Variants in DNAH7 observed in about 807,000 individuals in gnomAD.
The protein encoded by DNAH7 is axonemal beta dynein heavy chain 7.
Under a neutral mutation model 444.6 loss-of-function variants are expected in DNAH7, and 397 were observed. The observed-to-expected ratio is 0.89, with a 90% CI of 0.82 to 0.97. The LOEUF (loss-of-function observed/expected upper bound fraction) is 0.97. DNAH7 is among the 50% of genes least tolerant of loss of function. The pLI is 0.00. For missense variants in DNAH7, 4,902 were observed against 4,800.8 expected (o/e 1.02, Z -0.62); for synonymous variants, 1,636 against 1,624.4 (o/e 1.01, Z -0.17).
chr2:195,774,068 G>A (rs748631870), intron 60 of DNAH7, among the ~76,000 whole-genome samples: 13 of 152,158 alleles, frequency 8.5e-5, no homozygotes, highest in East Asian at 3.8e-4. Flanking sequence ...GATTGAAAGA[G>A]GCTGTTTAAT....
At chr2:195,856,678 C>CA (rs1699731938) in intron 44 of DNAH7, among the ~76,000 whole-genome samples, 1 of 152,010 alleles carries the variant, frequency 6.6e-6, no homozygotes, top group Admixed American at 6.6e-5. Context: ...ATATAATCAC[C>CA]AAAAAAGGCT....
chr2:195,758,086 C>T (rs1180880554), intron 61 of DNAH7, among the ~76,000 whole-genome samples: 1 of 152,164 alleles, frequency 6.6e-6, no homozygotes, highest in African/African-American at 2.4e-5. Context: ...TAGAGCCAGC[C>T]CTTTATCTTC....
intron 12 of DNAH7, among the ~76,000 whole-genome samples, chr2:195,999,589 T>C (rs1693913097): frequency 6.6e-6 from 1 of 152,118 alleles, no homozygotes; most frequent in African/African-American, 2.4e-5. Context: ...TGGATATTGG[T>C]AGTATCGCAT....
intron 30 of DNAH7, among the ~76,000 whole-genome samples, chr2:195,892,090 ATATCT>A (rs1250522527): frequency 6.6e-6 from 1 of 152,262 alleles, no homozygotes; most frequent in Non-Finnish European, 1.5e-5. Context: ...CAAGATCTAC[ATATCT>A]TAAACTAAGA....
Position 195,884,580 on chromosome 2 carries a change from C to G in DNAH7, c.5763+5G>C. The G allele has an allele frequency of 6.2e-7, 1 of 1,611,490 alleles. No individual in the cohort carries two copies. Among genetic ancestry groups the G allele is most frequent in the Non-Finnish European group, 8.5e-7 (1 of 1,177,836 alleles). On this transcript the variant is annotated splice_donor_5th_base_variant and intron_variant, in intron 35 of 64. Coordinates refer to ENST00000312428, the MANE Select transcript of DNAH7 (RefSeq NM_018897.3). ...CAGCTGCAAATCTTGCTTCAGAACT[C>G]TTACCTCAGTGACAAATTGATAATC...
At chr2:195,909,963 G>A (rs1687257501) in intron 25 of DNAH7, 64 bp downstream of exon 25, 2 of 1,435,866 alleles carry the variant, frequency 1.4e-6, no homozygotes, top group South Asian at 2.7e-5. Flanking sequence ...CAATTATGTT[G>A]CATCATAAAT....
At chr2:195,826,329 C>G (rs1257896784) in intron 48 of DNAH7, among the ~76,000 whole-genome samples, 4 of 152,124 alleles carry the variant, frequency 2.6e-5, no homozygotes, top group Non-Finnish European at 4.4e-5. Flanking sequence ...TTTACAAATG[C>G]TGGACACCAT....
rs111250881 is a variant in DNAH7 at position 195,763,530 on chromosome 2, T to C, written c.11434-7245A>G. 2.3e-3 allele frequency among the ~76,000 whole-genome samples: 353 copies of C among 151,350 alleles called. 1 individual carries two copies. The highest frequency in any genetic ancestry group is 7.9e-3 in the African/African-American group (327 of 41,292). On this transcript the variant is annotated intron_variant, in intron 61 of 64. Transcript: ENST00000312428. The stretch of plus-strand genomic sequence containing the variant: ...AGACCCAAATAAATAAAATCAGAGA[T>C]GAAAAAAGAAACATTACAATAGATG...
intron 63 of DNAH7, among the ~76,000 whole-genome samples, chr2:195,742,829 G>A (rs1693124325): frequency 6.6e-6 from 1 of 152,190 alleles, no homozygotes; most frequent in Admixed American, 6.5e-5. Context: ...AGGAATCTTA[G>A]GTAATTGCAT....
chr2:196,007,053 A>T (rs1694422127), intron 10 of DNAH7, among the ~76,000 whole-genome samples: 1 of 152,214 alleles, frequency 6.6e-6, no homozygotes, highest in Admixed American at 6.5e-5. Context: ...ATTCCCTATT[A>T]AAATCCCAAT....
chr2:195,929,253 T>A (rs1300277507), intron 21 of DNAH7, among the ~76,000 whole-genome samples: 2 of 152,162 alleles, frequency 1.3e-5, no homozygotes, highest in African/African-American at 4.8e-5. Context: ...AAATATTCCA[T>A]GCTCATGGAT....
chr2:195,863,893 C>T (rs186315119), intron 41 of DNAH7, among the ~76,000 whole-genome samples: 1 of 152,296 alleles, frequency 6.6e-6, no homozygotes, highest in East Asian at 1.9e-4. Context: ...CTCTGTGCTT[C>T]CTGTCAGGAC....
chr2:195,852,213 G>C (rs1387020202), intron 46 of DNAH7, among the ~76,000 whole-genome samples: 1 of 152,120 alleles, frequency 6.6e-6, no homozygotes, highest in East Asian at 1.9e-4. Context: ...AGCCGAGATC[G>C]CACCACTGCA....
At chr2:195,999,363 A>G (rs1486497241) in intron 12 of DNAH7, 4 of 621,052 alleles carry the variant, frequency 6.4e-6, no homozygotes, top group African/African-American at 3.7e-5. Context: ...TTAAGCAAGA[A>G]TTCAGCTAAA....
At chr2:195,738,413 A>T (rs1196954360) in intron 64 of DNAH7, among the ~76,000 whole-genome samples, 2 of 64,090 alleles carry the variant, frequency 3.1e-5, no homozygotes, top group African/African-American at 6.2e-5. Context: ...TTACAATGAT[A>T]AAAAAAAAAT....
intron 15 of DNAH7, among the ~76,000 whole-genome samples, chr2:195,977,355 A>C (rs991375588): frequency 1.3e-5 from 2 of 152,210 alleles, no homozygotes; most frequent in Admixed American, 6.6e-5. Flanking sequence ...TGTAATTGAC[A>C]TACTGAAGAA....
intron 35 of DNAH7, among the ~76,000 whole-genome samples, chr2:195,883,460 C>T (rs548710583): frequency 6.0e-5 from 9 of 149,642 alleles, no homozygotes; most frequent in Admixed American, 1.3e-4. Flanking sequence ...CTCCCCCCCC[C>T]CAAAAAAAAA....
At chr2:195,865,352 C>A (rs933927146) in intron 40 of DNAH7, among the ~76,000 whole-genome samples, 4 of 152,120 alleles carry the variant, frequency 2.6e-5, no homozygotes, top group Non-Finnish European at 5.9e-5. Flanking sequence ...ATGTGGATAG[C>A]AGAGCTGGGC....
In DNAH7 at chr2:195,778,667, T is replaced by TAC. The variant is rs1192803792; in HGVS notation, c.10879-683_10879-682insGT. Among the ~76,000 whole-genome samples, 129 of 69,498 alleles carry TAC rather than the reference T, an allele frequency of 1.9e-3. 1 individual carries two copies. The highest frequency in any genetic ancestry group is 2.8e-3 in the Non-Finnish European group (115 of 40,736). 45.6% of individuals were successfully genotyped at this position (69,498 alleles called of 152,430 possible). A position where few individuals can be genotyped will look rare whatever the true frequency, so the allele number is the denominator to read the frequency against. ...AAATATATATATATATATATATATA[T>TAC]ATACACACACACACATATATATACA... On this transcript the variant is annotated intron_variant, in intron 58 of 64. Transcript: ENST00000312428.
Sources: gnomAD v4.1 joint callset for allele counts (sites outside exome capture counted in the v4.1 genomes callset) on GRCh38, gnomAD v4.1.1 for gene constraint, MANE v1.5 for transcripts, NCBI Gene and HGNC (gene_info 2026-07-23, HGNC 2026-07-21) for gene names.